The following SMIM31 variants were observed in gnomAD, a reference collection of about 807,000 sequenced individuals.
The protein encoded by SMIM31 is human epithelial cell program regulator.
chr4:164,775,163 G>A (rs1008873607), intron 2 of SMIM31, among the ~76,000 whole-genome samples: 1 of 152,078 alleles, frequency 6.6e-6, no homozygotes, highest in Non-Finnish European at 1.5e-5. Context: ...TTATTTTCCA[G>A]GAAATGGCTT....
chr4:164,771,046 T>C (rs1327767503), intron 2 of SMIM31, among the ~76,000 whole-genome samples: 14 of 152,238 alleles, frequency 9.2e-5, no homozygotes, highest in Admixed American at 9.2e-4. Flanking sequence ...GGAAATTATG[T>C]ATATTCATAG....
intron 2 of SMIM31, among the ~76,000 whole-genome samples, chr4:164,775,479 A>G (rs1344756051): frequency 6.6e-6 from 1 of 152,186 alleles, no homozygotes; most frequent in Non-Finnish European, 1.5e-5. Flanking sequence ...AAACAATCCC[A>G]ACTATAAATC....
At chr4:164,760,041 C>T (rs1318639215) in intron 1 of SMIM31, among the ~76,000 whole-genome samples, 2 of 151,926 alleles carry the variant, frequency 1.3e-5, no homozygotes, top group African/African-American at 2.4e-5. Flanking sequence ...AAGAGAATAG[C>T]CAGTACAAAG....
chr4:164,758,526 C>A (rs1164698200), intron 1 of SMIM31, among the ~76,000 whole-genome samples: 1 of 151,398 alleles, frequency 6.6e-6, no homozygotes, highest in African/African-American at 2.4e-5. Context: ...TGAGGAAGAT[C>A]ATTCCCACCT....
intron 1 of SMIM31, among the ~76,000 whole-genome samples, chr4:164,766,069 T>A (rs17486051): frequency 3.9e-5 from 6 of 151,998 alleles, no homozygotes; most frequent in Non-Finnish European, 2.9e-5. Context: ...CAGTGAGCTC[T>A]GTCAGCAGCC....
At chr4:164,758,630 G>GTTTTTTTTT (rs1210607914) in intron 1 of SMIM31, among the ~76,000 whole-genome samples, 4 of 96,638 alleles carry the variant, frequency 4.1e-5, no homozygotes, top group East Asian at 3.1e-4. Flanking sequence ...TCCTTTTTTT[G>GTTTTTTTTT]TTTTTTTTTT....
chr4:164,756,197 C>T (rs1489222169), intron 1 of SMIM31, among the ~76,000 whole-genome samples: 1 of 152,116 alleles, frequency 6.6e-6, no homozygotes, highest in African/African-American at 2.4e-5. Context: ...GTAATCCAAA[C>T]CCCCGTCAAG....
intron 2 of SMIM31, among the ~76,000 whole-genome samples, chr4:164,781,181 T>C (rs562503463): frequency 1.3e-5 from 2 of 151,838 alleles, no homozygotes; most frequent in East Asian, 3.9e-4. Flanking sequence ...CTGCTGAAGA[T>C]GAAGAACTAC....
At chr4:164,788,478 CTTTTTTTTTT>C (rs72177805) in intron 2 of SMIM31, among the ~76,000 whole-genome samples, 67 of 58,194 alleles carry the variant, frequency 1.2e-3, no homozygotes, top group Non-Finnish European at 1.5e-3. Context: ...TCTAATTTTT[CTTTTTTTTTT>C]TTTTTTTTTT....
Position 164,787,853 on chromosome 4 carries a change from G to A in SMIM31, c.113-13238G>A, listed in dbSNP as rs528261043. On this transcript the variant is annotated intron_variant, in intron 2 of 2. Coordinates refer to ENST00000507311, the MANE Select transcript of SMIM31 (RefSeq NM_001352885.1). ...AGAGAAAGTCTTTGAACATAGCATC[G>A]CTTTCTGATTTAGACACGTATTTGT... is the stretch of plus-strand genomic sequence containing the variant. 1.8e-3 allele frequency among the ~76,000 whole-genome samples: 269 copies of A among 152,146 alleles called. 2 individuals are homozygous for A. The highest frequency in any genetic ancestry group is 6.4e-3 in the African/African-American group (264 of 41,510).
intron 2 of SMIM31, among the ~76,000 whole-genome samples, chr4:164,776,412 G>T (rs1411544847): frequency 6.6e-6 from 1 of 152,122 alleles, no homozygotes; most frequent in Non-Finnish European, 1.5e-5. Context: ...CACTGTAGAG[G>T]CATGGGCACA....
intron 2 of SMIM31, among the ~76,000 whole-genome samples, chr4:164,788,472 A>ATTTT (rs1187569698): frequency 1.7e-5 from 1 of 60,502 alleles, no homozygotes; most frequent in African/African-American, 6.5e-5. Flanking sequence ...CTTTCTTCTA[A>ATTTT]TTTTTCTTTT....
At chr4:164,767,047 A>G (rs776125186) in intron 1 of SMIM31, among the ~76,000 whole-genome samples, 2 of 152,158 alleles carry the variant, frequency 1.3e-5, no homozygotes, top group Non-Finnish European at 2.9e-5. Context: ...ACTGTCACAC[A>G]TGCTACCATC....
rs1307222444 is a variant in SMIM31, at chr4:164,798,838, A to G, written c.113-2253A>G. Among the ~76,000 whole-genome samples the G allele has an allele frequency of 4.6e-5, 7 of 152,074 alleles. No homozygotes were observed. In the East Asian group the frequency reaches 1.4e-3, roughly 29 times the overall value. On this transcript the variant is annotated intron_variant, in intron 2 of 2. Transcript: ENST00000507311. ...GATCATGGGGGTGAATTTCTCATGA[A>G]TGGTTTAACACCATCCCCTCGGTGC...
At chr4:164,756,815 G>C (rs1428365693) in intron 1 of SMIM31, among the ~76,000 whole-genome samples, 2 of 152,072 alleles carry the variant, frequency 1.3e-5, no homozygotes, top group Non-Finnish European at 2.9e-5. Flanking sequence ...TATGTAATTT[G>C]TGTATCCATT....
intron 1 of SMIM31, among the ~76,000 whole-genome samples, chr4:164,757,605 G>T (rs921278451): frequency 6.6e-6 from 1 of 151,724 alleles, no homozygotes; most frequent in African/African-American, 2.4e-5. Flanking sequence ...TGTTGCTGAA[G>T]CAGAAATAGA....
intron 2 of SMIM31, among the ~76,000 whole-genome samples, chr4:164,785,021 C>G (rs190806218): frequency 1.3e-5 from 2 of 151,324 alleles, no homozygotes; most frequent in African/African-American, 4.9e-5. Flanking sequence ...CTCAGGAGTT[C>G]GAAACCAGCT....
chr4:164,786,784 C>T (rs1467705833), intron 2 of SMIM31, among the ~76,000 whole-genome samples: 1 of 152,196 alleles, frequency 6.6e-6, no homozygotes, highest in African/African-American at 2.4e-5. Flanking sequence ...AACATTTGGA[C>T]ACTTTACATT....
At chr4:164,773,653 A>G (rs1005840549) in intron 2 of SMIM31, among the ~76,000 whole-genome samples, 4 of 152,188 alleles carry the variant, frequency 2.6e-5, no homozygotes, top group African/African-American at 7.2e-5. Flanking sequence ...GGGGATTATG[A>G]GCACTGTAAT....
Sources: allele counts gnomAD v4.1 joint callset (sites outside exome capture counted in the v4.1 genomes callset), GRCh38; gene constraint gnomAD v4.1.1; transcripts MANE v1.5; gene names NCBI Gene and HGNC (gene_info 2026-07-23, HGNC 2026-07-21).